Variants in SLC30A3 observed in about 807,000 individuals in gnomAD.
SLC30A3 encodes the protein probable proton-coupled zinc antiporter SLC30A3.
In SLC30A3, 20 loss-of-function variants were observed where a neutral mutation model predicts 35.6. The observed-to-expected ratio is 0.56, with a 90% CI of 0.39 to 0.82. SLC30A3 has a LOEUF of 0.82. SLC30A3 is among the 40% of genes least tolerant of loss of function. The pLI is 0.00. For synonymous variants in SLC30A3, 217 were observed against 224.7 expected (o/e 0.97, Z 0.31); for missense variants, 401 against 530.6 (o/e 0.76, Z 2.40).
upstream of SLC30A3, among the ~76,000 whole-genome samples, chr2:27,263,782 C>T (rs953213977): frequency 6.9e-6 from 1 of 144,874 alleles, no homozygotes; most frequent in East Asian, 2.0e-4. Flanking sequence ...CTCTGGACGC[C>T]GCACTGGCAA....
chr2:27,261,747 C>G (rs568827147), intron 1 of SLC30A3, among the ~76,000 whole-genome samples: 2 of 152,128 alleles, frequency 1.3e-5, no homozygotes, highest in East Asian at 3.9e-4. Context: ...AGGGGCTGAA[C>G]CAAAATCAAA....
At chr2:27,275,294 C>G in exon 1 of SLC30A3, 1 of 1,099,792 alleles carries the variant, frequency 9.1e-7, no homozygotes, top group Non-Finnish European at 1.2e-6. Context: ...TGCCCCAAGG[C>G]CTGGCAGCAA....
Position 27,273,267 on chromosome 2 carries a change from A to G in SLC30A3, c.-159+1910T>C, listed in dbSNP as rs111230308. 1.6e-4 allele frequency among the ~76,000 whole-genome samples: 25 copies of G among 152,146 alleles called. 1 individual carries two copies. Among genetic ancestry groups the G allele is most frequent in the African/African-American group, 6.0e-4 (25 of 41,512 alleles). On this transcript the variant is annotated intron_variant, in intron 1 of 5. Coordinates refer to the SLC30A3 transcript ENST00000424577. The stretch of plus-strand genomic sequence containing the variant: ...AACAACATGGTCAAAGACTCTTGAA[A>G]TGGGAGGGAACACGATGTTTTCAAA...
At position 27,271,045 on chromosome 2, in the gene SLC30A3, G is replaced by A. The variant is rs1677708622; in HGVS notation, c.-159+4132C>T. Among the ~76,000 whole-genome samples the A allele has an allele frequency of 6.6e-6, 1 of 152,128 alleles. No homozygotes were observed. The highest frequency in any genetic ancestry group is 2.1e-4 in the South Asian group (1 of 4,832). ...GTCAGATCTCACTAGATAACCTTAA[G>A]CAGGTCAATCCGCCTTTCTGGGCTG... On this transcript the variant is annotated intron_variant, in intron 1 of 5. Transcript: ENST00000424577. The surrounding 1 kb of genome is among the most constrained non-coding windows in gnomAD (Gnocchi z 4.3).
At chr2:27,273,441 T>C (rs1323094255) in intron 1 of SLC30A3, among the ~76,000 whole-genome samples, 1 of 152,238 alleles carries the variant, frequency 6.6e-6, no homozygotes, top group East Asian at 1.9e-4. Context: ...TCTAATGCCT[T>C]CTGCTCTCTC....
chr2:27,262,049 G>C lies in SLC30A3; in HGVS notation c.95+763C>G, dbSNP rs1677214059. ...CAGCCGACAGACAAGATGGCCCACG[G>C]GGGTGGGCAGGGAGGTCGGACGGCC... On this transcript the variant is annotated intron_variant, in intron 1 of 7. Transcript: ENST00000233535. This position sits in a 1 kb window ranked among gnomAD's most constrained non-coding sequence, Gnocchi z 7.5. The C allele has an allele frequency of 6.6e-6, 1 of 152,346 alleles. No individual in the cohort carries two copies. Among genetic ancestry groups the C allele is most frequent in the Non-Finnish European group, 1.5e-5 (1 of 68,066 alleles). 9.4% of individuals were successfully genotyped at this position (152,346 alleles called of 1,614,324 possible).
rs1291345025 is a variant in SLC30A3, at chr2:27,262,598, C to T, written c.95+214G>A. Among the ~76,000 whole-genome samples, 1 of 152,108 alleles carries T rather than the reference C, an allele frequency of 6.6e-6. No individual in the cohort carries two copies. The highest frequency in any genetic ancestry group is 2.4e-5 in the African/African-American group (1 of 41,432). ...CGGAGGGGAGTGAGAGGCCGCTTCACCCGAGGAAGTCAGGCGGCCGGGAGG... is the reference window on the plus strand; with the variant it reads ...CGGAGGGGAGTGAGAGGCCGCTTCATCCGAGGAAGTCAGGCGGCCGGGAGG... On this transcript the variant is annotated intron_variant, in intron 1 of 7. Transcript: ENST00000233535. This position sits in a 1 kb window ranked among gnomAD's most constrained non-coding sequence, Gnocchi z 7.5.
chr2:27,258,413 G>T lies in SLC30A3; in HGVS notation c.278-106C>A. The T allele has an allele frequency of 9.0e-7, 1 of 1,108,124 alleles. No homozygotes were observed. The highest frequency in any genetic ancestry group is 1.3e-6 in the Non-Finnish European group (1 of 799,166). The allele number at this position is 1,108,124 out of a possible 1,614,324, so 68.6% of individuals were successfully genotyped here. A position where few individuals can be genotyped will look rare whatever the true frequency, so the allele number is the denominator to read the frequency against. ...GATATACACCAAAAATGTGATTTGG[G>T]GTTTTCTCAGGTGATGGGACTACAG... On this transcript the variant is annotated intron_variant, in intron 2 of 7. Transcript: ENST00000233535. The surrounding 1 kb of genome is among the most constrained non-coding windows in gnomAD (Gnocchi z 4.0).
chr2:27,263,473 AC>A (rs1429765761), upstream of SLC30A3: 1 of 358,628 alleles, frequency 2.8e-6, no homozygotes, highest in Non-Finnish European at 5.9e-6. Flanking sequence ...TCTCCAGAGA[AC>A]CAGAAAGAAC....
In SLC30A3 at chr2:27,263,029, G is replaced by C. The variant is rs1022782316; in HGVS notation, c.-123C>G. The C allele has an allele frequency of 5.8e-5, 81 of 1,389,910 alleles. No homozygotes were observed. In the African/African-American group the frequency reaches 1.2e-3, roughly 20 times the overall value. The allele number at this position is 1,389,910 out of a possible 1,614,324, so 86.1% of individuals were successfully genotyped here. ...CGCAGGGCGGCGGGGCCACCAGAGT[G>C]GAGCGAACTGCAGCGACTGTGGCGC... On this transcript the variant is annotated 5_prime_UTR_variant, in exon 1 of 8. Coordinates refer to ENST00000233535, the MANE Select transcript of SLC30A3 (RefSeq NM_003459.5).
Position 27,258,849 on chromosome 2 carries a change from G to T in SLC30A3, c.181C>A (p.Pro61Thr), listed in dbSNP as rs531584218. The change falls in exon 2 of 8, where the codon CCG becomes ACG. Residue 61 changes from proline to threonine, a missense_variant. Physicochemically the swap from Pro to Thr is conservative, Grantham distance 38. Transcript: ENST00000233535. The surrounding 1 kb of genome is among the most constrained non-coding windows in gnomAD (Gnocchi z 4.0). ...PFHHCHRDPL[P>T]PPGLTPERLH... ...CTCTCAGGGGTAAGGCCCGGCGGCG[G>T]AAGGGGGTCCCTGTGGCAGTGGTGG... 3.1e-6 allele frequency: 5 copies of T among 1,614,202 alleles called. No homozygotes were observed. In the African/African-American group the frequency reaches 6.7e-5, roughly 22 times the overall value.
chr2:27,262,536 G>C lies in SLC30A3; in HGVS notation c.95+276C>G, dbSNP rs1572480927. On this transcript the variant is annotated intron_variant, in intron 1 of 7. Transcript: ENST00000233535. This position sits in a 1 kb window ranked among gnomAD's most constrained non-coding sequence, Gnocchi z 7.5. ...GCTCCCAGGGAAGGCAGGCGCCGCG[G>C]GGGTGGCGGAGGGGTCCGGCGGCCT... Among the ~76,000 whole-genome samples the C allele has an allele frequency of 1.3e-5, 2 of 152,098 alleles. No homozygotes were observed. Among genetic ancestry groups the C allele is most frequent in the Admixed American group, 1.3e-4 (2 of 15,274 alleles).
chr2:27,256,895 TG>T lies in SLC30A3; in HGVS notation c.778-3del. On this transcript the variant is annotated splice_polypyrimidine_tract_variant and splice_region_variant and intron_variant, in intron 5 of 7. Coordinates refer to ENST00000233535, the MANE Select transcript of SLC30A3 (RefSeq NM_003459.5). ...GGGGTCGGCTGCCTTGTATTGAGGC[TG>T]CAGAGAAAGAGACCCCTAAGCCCAA... 6.2e-7 allele frequency: 1 copy of T among 1,600,210 alleles called. No individual in the cohort carries two copies. The highest frequency in any genetic ancestry group is 8.5e-7 in the Non-Finnish European group (1 of 1,172,946).
rs1558558644 is a variant in SLC30A3, at chr2:27,257,920, A to C, written c.563T>G (p.Val188Gly). The C allele has an allele frequency of 6.2e-7, 1 of 1,614,010 alleles. No homozygotes were observed. The highest frequency in any genetic ancestry group is 8.5e-7 in the Non-Finnish European group (1 of 1,179,966). ...TGGGACGTACAACAGGTTGGCACAG[A>C]CTGCGATGCTGGCGGTCAGCAGCAT... The part of the protein sequence containing the change: ...GAMLLTASIA[V>G]CANLLMAFVL... Residue 188 changes from valine (V) to glycine (G), a missense_variant, in exon 4 of 8, where the codon GTC becomes GGC. By Grantham distance (109) the Val-to-Gly change is moderately radical. This residue lies in a region of SLC30A3 where 296 missense variants were observed against 392.6 expected (regional missense o/e 0.75). Coordinates refer to ENST00000233535, the MANE Select transcript of SLC30A3 (RefSeq NM_003459.5). The surrounding 1 kb of genome is among the most constrained non-coding windows in gnomAD (Gnocchi z 4.7).
In SLC30A3 at chr2:27,254,757, AG is replaced by A; in HGVS notation, c.*554del. ...CAGAGACACACAGGCCACAGCACCA[AG>A]AACACACACACACACACACACACAC... On this transcript the variant is annotated 3_prime_UTR_variant, in exon 8 of 8. Coordinates refer to ENST00000233535, the MANE Select transcript of SLC30A3 (RefSeq NM_003459.5). The A allele has an allele frequency of 4.9e-6, 1 of 202,888 alleles. No individual in the cohort carries two copies. The highest frequency in any genetic ancestry group is 3.4e-5 in the African/African-American group (1 of 29,850). 12.6% of individuals were successfully genotyped at this position (202,888 alleles called of 1,614,324 possible). A position where few individuals can be genotyped will look rare whatever the true frequency, so the allele number is the denominator to read the frequency against.
At chr2:27,266,262 T>C (rs114965624), upstream of SLC30A3, among the ~76,000 whole-genome samples, 777 of 152,290 alleles carry the variant, frequency 5.1e-3, 3 homozygotes, top group African/African-American at 0.018. Context: ...GATCATACTG[T>C]AACTAAATTG....
At chr2:27,268,450 T>C (rs1360311658) in intron 1 of SLC30A3, among the ~76,000 whole-genome samples, 1 of 152,204 alleles carries the variant, frequency 6.6e-6, no homozygotes, top group Admixed American at 6.5e-5. Flanking sequence ...ACCTGTTTGA[T>C]TGCTGTGAAA....
chr2:27,255,675 C>T lies in SLC30A3; in HGVS notation c.1019-215G>A, dbSNP rs1558555640. ...CCATGCTAACACACTAAACTCTTTC[C>T]AGTCTCCTATTCTCTCCTGTCATTA... is the stretch of plus-strand genomic sequence containing the variant. On this transcript the variant is annotated intron_variant, in intron 7 of 7. Transcript: ENST00000233535. The surrounding 1 kb of genome is among the most constrained non-coding windows in gnomAD (Gnocchi z 5.2). 1 of 574,674 alleles carries T rather than the reference C, an allele frequency of 1.7e-6. No homozygotes were observed. The highest frequency in any genetic ancestry group is 3.1e-6 in the Non-Finnish European group (1 of 323,958). 35.6% of individuals were successfully genotyped at this position (574,674 alleles called of 1,614,324 possible). A position where few individuals can be genotyped will look rare whatever the true frequency, so the allele number is the denominator to read the frequency against.
chr2:27,275,210 T>C (rs779327762), exon 1 of SLC30A3: 3 of 1,304,064 alleles, frequency 2.3e-6, no homozygotes, highest in African/African-American at 3.0e-5. Flanking sequence ...ACCCATTGTG[T>C]TTCCTGGAGT....
Sources: allele counts gnomAD v4.1 joint callset (sites outside exome capture counted in the v4.1 genomes callset), GRCh38; gene constraint gnomAD v4.1.1; regional missense constraint gnomAD v4.1.1; non-coding constraint Gnocchi (gnomAD v3.1); transcripts MANE v1.5; gene names NCBI Gene and HGNC (gene_info 2026-07-23, HGNC 2026-07-21).